Variants in SETBP1 observed in about 807,000 individuals in gnomAD.
The protein encoded by SETBP1 is SET binding protein 1.
A neutral mutation model predicts 101.0 loss-of-function variants in SETBP1; 9 were observed. That is an observed-to-expected ratio of 0.09 (90% CI 0.05 to 0.16). The LOEUF (loss-of-function observed/expected upper bound fraction) is 0.16, where lower values mean the gene tolerates loss of function less well. Ranked by LOEUF, SETBP1 falls within the 10% of genes least tolerant of loss-of-function variation. The probability of loss-of-function intolerance (pLI) is 1.00; values close to 1 mark genes in which losing one functional copy is unlikely to be tolerated. For synonymous variants in SETBP1, 818 were observed against 788.5 expected (o/e 1.04, Z -0.63); for missense variants, 1,858 against 2,033.8 (o/e 0.91, Z 1.66).
chr18:44,704,479 T>G (rs1019422300), intron 2 of SETBP1, among the ~76,000 whole-genome samples: 6 of 152,246 alleles, frequency 3.9e-5, no homozygotes, highest in Non-Finnish European at 1.5e-5. Context: ...TTGCTTCATA[T>G]GGTACTTCTC....
At chr18:45,041,640 T>A (rs2073510465) in intron 5 of SETBP1, among the ~76,000 whole-genome samples, 1 of 152,138 alleles carries the variant, frequency 6.6e-6, no homozygotes, top group South Asian at 2.1e-4. Flanking sequence ...ACTGAAGTAA[T>A]TCAATTAATT....
At chr18:44,832,708 A>C (rs2072401958) in intron 2 of SETBP1, among the ~76,000 whole-genome samples, 2 of 151,998 alleles carry the variant, frequency 1.3e-5, no homozygotes, top group South Asian at 4.2e-4. Context: ...CCAGGTTCTC[A>C]TTACAGGGGC....
At chr18:44,695,817 A>C (rs1227544977) in intron 1 of SETBP1, among the ~76,000 whole-genome samples, 1 of 152,212 alleles carries the variant, frequency 6.6e-6, no homozygotes, top group African/African-American at 2.4e-5. Flanking sequence ...ATTTTTTTAA[A>C]AAGTAAAAAT....
rs544795197 is a variant in SETBP1, at chr18:45,012,841, T to C, written c.4001-25644T>C. 5.9e-5 allele frequency among the ~76,000 whole-genome samples: 9 copies of C among 152,200 alleles called. No individual in the cohort carries two copies. In the South Asian group the frequency reaches 1.9e-3, roughly 32 times the overall value. On this transcript the variant is annotated intron_variant, in intron 4 of 5. Transcript: ENST00000649279. ...CACATGGACATAGATTGTGGACTGA[T>C]AGACATTGAGGACTTGAAAGGGTGG...
intron 2 of SETBP1, among the ~76,000 whole-genome samples, chr18:44,824,235 C>T (rs1372062666): frequency 6.6e-6 from 1 of 152,156 alleles, no homozygotes; most frequent in Non-Finnish European, 1.5e-5. Context: ...TTCAACCATC[C>T]TTCAGAGCTC....
intron 3 of SETBP1, among the ~76,000 whole-genome samples, chr18:44,887,694 A>T (rs950402302): frequency 6.6e-6 from 1 of 152,176 alleles, no homozygotes; most frequent in African/African-American, 2.4e-5. Flanking sequence ...ACAAGCTAGG[A>T]TCATCAGTGA....
At chr18:44,965,152 G>A (rs563532584) in intron 4 of SETBP1, among the ~76,000 whole-genome samples, 1 of 152,246 alleles carries the variant, frequency 6.6e-6, no homozygotes, top group Admixed American at 6.5e-5. Context: ...CAAGGGGGAA[G>A]GCAATAAATT....
chr18:44,942,370 C>T (rs1411668875), intron 3 of SETBP1, among the ~76,000 whole-genome samples: 4 of 152,156 alleles, frequency 2.6e-5, no homozygotes, highest in Non-Finnish European at 5.9e-5. Flanking sequence ...CAAGTGAAGA[C>T]TAAAATTTTT....
At chr18:45,041,182 G>A (rs1259847320) in intron 5 of SETBP1, among the ~76,000 whole-genome samples, 1 of 152,162 alleles carries the variant, frequency 6.6e-6, no homozygotes, top group Non-Finnish European at 1.5e-5. Flanking sequence ...GTCCCAACAT[G>A]AGCAAAGGCA....
chr18:44,786,796 C>A (rs1263239910), intron 2 of SETBP1, among the ~76,000 whole-genome samples: 2 of 152,308 alleles, frequency 1.3e-5, no homozygotes, highest in South Asian at 4.1e-4. Context: ...TAGAGAGCCA[C>A]ACGGGACCTA....
intron 2 of SETBP1, among the ~76,000 whole-genome samples, chr18:44,812,758 C>T (rs1009629553): frequency 2.6e-5 from 4 of 152,108 alleles, no homozygotes; most frequent in Admixed American, 2.6e-4. Flanking sequence ...TGGGATGAAG[C>T]CAATATGTAA....
At chr18:44,860,683 G>T (rs1280896685) in intron 2 of SETBP1, among the ~76,000 whole-genome samples, 1 of 151,740 alleles carries the variant, frequency 6.6e-6, no homozygotes, top group African/African-American at 2.4e-5. Flanking sequence ...CGAGGCAGAG[G>T]TTGCTGTGAG....
intron 2 of SETBP1, among the ~76,000 whole-genome samples, chr18:44,722,697 G>C (rs906115605): frequency 2.0e-5 from 3 of 152,136 alleles, no homozygotes; most frequent in African/African-American, 7.2e-5. Context: ...GCTCATGAAG[G>C]GACTGGTTAT....
intron 4 of SETBP1, among the ~76,000 whole-genome samples, chr18:44,990,927 G>GAAAAAAAAAAA (rs996043221): frequency 6.3e-5 from 4 of 63,204 alleles, no homozygotes; most frequent in Non-Finnish European, 9.9e-5. Context: ...CAGAGAGAGA[G>GAAAAAAAAAAA]AAAAAAAAAA....
chr18:45,013,434 C>CTTTCTTTCTTTCT (rs573114558), intron 4 of SETBP1, among the ~76,000 whole-genome samples: 38 of 150,510 alleles, frequency 2.5e-4, no homozygotes, highest in African/African-American at 7.6e-4. Flanking sequence ...TTCTTTCTTT[C>CTTTCTTTCTTTCT]TTTTTTTTTG....
At chr18:44,765,591 T>C (rs1599095493) in intron 2 of SETBP1, among the ~76,000 whole-genome samples, 1 of 152,232 alleles carries the variant, frequency 6.6e-6, no homozygotes, top group East Asian at 1.9e-4. Flanking sequence ...CAGTTTATGT[T>C]GGCACAGATC....
chr18:44,982,814 A>G (rs1185701266), intron 4 of SETBP1, among the ~76,000 whole-genome samples: 1 of 152,140 alleles, frequency 6.6e-6, no homozygotes, highest in Non-Finnish European at 1.5e-5. Context: ...GGACACTCCA[A>G]GCTTTAGTGA....
At chr18:44,721,369 G>A (rs553912745) in intron 2 of SETBP1, among the ~76,000 whole-genome samples, 1 of 152,280 alleles carries the variant, frequency 6.6e-6, no homozygotes, top group Admixed American at 6.5e-5. Context: ...TGCATCAAGT[G>A]TTTCTTCCTT....
intron 2 of SETBP1, among the ~76,000 whole-genome samples, chr18:44,710,163 G>T (rs1266616052): frequency 6.6e-6 from 1 of 151,950 alleles, no homozygotes. Context: ...ATCCGTTTTT[G>T]CCTTTTCCTA....
Sources: gnomAD v4.1 joint callset for allele counts (sites outside exome capture counted in the v4.1 genomes callset) on GRCh38, gnomAD v4.1.1 for gene constraint, MANE v1.5 for transcripts, NCBI Gene and HGNC (gene_info 2026-07-23, HGNC 2026-07-21) for gene names.